DDHD1: variants seen among roughly 807,000 people sequenced by gnomAD.
DDHD1 encodes the protein phospholipase DDHD1.
In DDHD1, 49 loss-of-function variants were observed where a neutral mutation model predicts 96.4. That is an observed-to-expected ratio of 0.51 (90% CI 0.40 to 0.64). The LOEUF (loss-of-function observed/expected upper bound fraction) is 0.64, where lower values mean the gene tolerates loss of function less well. Ranked by LOEUF, DDHD1 falls within the 30% of genes least tolerant of loss-of-function variation. DDHD1 has a pLI of 0.00. For synonymous variants in DDHD1, 442 were observed against 446.5 expected (o/e 0.99, Z 0.13); for missense variants, 1,106 against 1,161.2 (o/e 0.95, Z 0.69).
intron 1 of DDHD1, among the ~76,000 whole-genome samples, chr14:53,143,712 T>C (rs1311129957): frequency 6.6e-6 from 1 of 152,248 alleles, no homozygotes; most frequent in Non-Finnish European, 1.5e-5. Flanking sequence ...TATGACTTAA[T>C]GCTTGCTTGG....
chr14:53,122,582 GT>G lies in DDHD1; in HGVS notation c.839-18727del, dbSNP rs56655949. Among the ~76,000 whole-genome samples the G allele has an allele frequency of 6.7e-3, 967 of 143,818 alleles. 10 individuals are homozygous for G. The highest frequency in any genetic ancestry group is 9.9e-3 in the Admixed American group (143 of 14,480). The allele number at this position is 143,818 out of a possible 152,430, so 94.4% of individuals were successfully genotyped here. A position where few individuals can be genotyped will look rare whatever the true frequency, so the allele number is the denominator to read the frequency against. On this transcript the variant is annotated intron_variant, in intron 1 of 12. Coordinates refer to ENST00000673822, the MANE Select transcript of DDHD1 (RefSeq NM_001160148.2). ...CTGTTACTTTGTTCCTCTGCTAATA[GT>G]TTTTTTTTTTTTTTGACACAGTCTC...
chr14:53,051,824 A>G lies in DDHD1; in HGVS notation c.2521+20T>C, dbSNP rs1882595750. On this transcript the variant is annotated intron_variant, in intron 12 of 12. Coordinates refer to ENST00000673822, the MANE Select transcript of DDHD1 (RefSeq NM_001160148.2). ...TCATTTTTATAGTATTCTGAATGCTATTCCTGACATATACCATACCGAGGG... is the reference window on the plus strand; with the variant it reads ...TCATTTTTATAGTATTCTGAATGCTGTTCCTGACATATACCATACCGAGGG... The G allele has an allele frequency of 6.4e-7, 1 of 1,552,264 alleles. No individual in the cohort carries two copies. The highest frequency in any genetic ancestry group is 1.4e-5 in the African/African-American group (1 of 73,004).
chr14:53,131,022 A>G (rs139654522), intron 1 of DDHD1, among the ~76,000 whole-genome samples: 1 of 152,214 alleles, frequency 6.6e-6, no homozygotes, highest in African/African-American at 2.4e-5. Flanking sequence ...CCTTGTCTCC[A>G]TAACTGTTGT....
At chr14:53,068,763 C>T (rs964084015) in intron 6 of DDHD1, among the ~76,000 whole-genome samples, 1 of 152,156 alleles carries the variant, frequency 6.6e-6, no homozygotes, top group African/African-American at 2.4e-5. Flanking sequence ...TGATTATTGT[C>T]GCTCTTTCTT....
At chr14:53,070,126 G>A (rs897200499) in intron 6 of DDHD1, among the ~76,000 whole-genome samples, 8 of 152,170 alleles carry the variant, frequency 5.3e-5, no homozygotes, top group African/African-American at 1.4e-4. Context: ...ATGCACATAT[G>A]TGTATTTGTA....
chr14:53,071,277 G>T (rs1246635909), intron 6 of DDHD1, among the ~76,000 whole-genome samples: 4 of 152,010 alleles, frequency 2.6e-5, no homozygotes, highest in Non-Finnish European at 5.9e-5. Flanking sequence ...AACAAAAATT[G>T]GGGCCATATA....
chr14:53,081,049 C>T (rs1453284940), intron 4 of DDHD1, among the ~76,000 whole-genome samples: 4 of 152,046 alleles, frequency 2.6e-5, no homozygotes, highest in Admixed American at 6.6e-5. Context: ...AAAGACATTG[C>T]ATTATAATTA....
At chr14:53,135,188 G>A (rs1029400522) in intron 1 of DDHD1, among the ~76,000 whole-genome samples, 1 of 151,994 alleles carries the variant, frequency 6.6e-6, no homozygotes, top group Non-Finnish European at 1.5e-5. Flanking sequence ...ACATCCAGAT[G>A]GCCTGAAGCA....
chr14:53,132,636 C>T (rs1221885812), intron 1 of DDHD1, among the ~76,000 whole-genome samples: 4 of 152,334 alleles, frequency 2.6e-5, no homozygotes, highest in Admixed American at 2.6e-4. Context: ...CCATATCCTG[C>T]ACCACCATGC....
At chr14:53,069,870 T>G (rs1884364067) in intron 6 of DDHD1, among the ~76,000 whole-genome samples, 2 of 152,176 alleles carry the variant, frequency 1.3e-5, no homozygotes, top group Non-Finnish European at 2.9e-5. Context: ...CAGTCACCAG[T>G]TCTCATGCTC....
At position 53,044,102 on chromosome 14, in the gene DDHD1, TATTA is replaced by T. The variant is rs770516805; in HGVS notation, c.*2662_*2665del. 6.6e-5 allele frequency: 10 copies of T among 152,192 alleles called. No homozygotes were observed. The highest frequency in any genetic ancestry group is 2.0e-4 in the Admixed American group (3 of 15,278). The allele number at this position is 152,192 out of a possible 1,614,324, so 9.4% of individuals were successfully genotyped here. On this transcript the variant is annotated 3_prime_UTR_variant, in exon 13 of 13. Transcript: ENST00000673822. ...AAGCCAGAATGACACACAGTCTGTA[TATTA>T]ATTAAGTATATACAAATACATCCAA...
chr14:53,145,923 T>C (rs1890947706), intron 1 of DDHD1, among the ~76,000 whole-genome samples: 1 of 152,176 alleles, frequency 6.6e-6, no homozygotes, highest in Non-Finnish European at 1.5e-5. Flanking sequence ...TAAACATTAA[T>C]GGGCAGGGTA....
intron 1 of DDHD1, among the ~76,000 whole-genome samples, chr14:53,129,594 G>C (rs1021680686): frequency 6.6e-6 from 1 of 152,088 alleles, no homozygotes; most frequent in Non-Finnish European, 1.5e-5. Context: ...CACGTTGGTG[G>C]CAAGTACCAC....
At chr14:53,091,682 G>C in intron 4 of DDHD1, 103 bp downstream of exon 4, 1 of 1,261,880 alleles carries the variant, frequency 7.9e-7, no homozygotes, top group East Asian at 2.3e-5. Flanking sequence ...GTTGGCACTG[G>C]AGGAACATGC....
At chr14:53,056,719 T>C (rs1883086541) in intron 9 of DDHD1, among the ~76,000 whole-genome samples, 1 of 152,170 alleles carries the variant, frequency 6.6e-6, no homozygotes, top group Non-Finnish European at 1.5e-5. Context: ...CAGATAACAT[T>C]TGTAAAAACT....
At chr14:53,085,970 C>T (rs1885912061) in intron 4 of DDHD1, among the ~76,000 whole-genome samples, 1 of 152,130 alleles carries the variant, frequency 6.6e-6, no homozygotes, top group Admixed American at 6.5e-5. Context: ...CCTGATGGAG[C>T]TGAAAACCAT....
intron 4 of DDHD1, among the ~76,000 whole-genome samples, chr14:53,074,342 A>T (rs909275129): frequency 5.3e-5 from 8 of 151,910 alleles, no homozygotes; most frequent in Non-Finnish European, 1.0e-4. Flanking sequence ...TAGTATTACA[A>T]TTACAATTAG....
intron 8 of DDHD1, among the ~76,000 whole-genome samples, chr14:53,059,036 G>A (rs1200502686): frequency 6.6e-6 from 1 of 152,152 alleles, no homozygotes; most frequent in Admixed American, 6.5e-5. Context: ...GTGCATAACA[G>A]AGGGAAATAA....
Position 53,153,011 on chromosome 14 carries a change from C to G in DDHD1, c.88G>C (p.Ala30Pro), listed in dbSNP as rs570480650. 4 of 1,530,072 alleles carry G rather than the reference C, an allele frequency of 2.6e-6. No individual in the cohort carries two copies. In the African/African-American group the frequency reaches 5.7e-5, roughly 22 times the overall value. 94.8% of individuals were successfully genotyped at this position (1,530,072 alleles called of 1,614,324 possible). A position where few individuals can be genotyped will look rare whatever the true frequency, so the allele number is the denominator to read the frequency against. The change falls in exon 1 of 13, where the codon GCG (alanine) becomes CCG (proline). Residue 30 changes from alanine (A) to proline (P), a missense_variant. Transcript: ENST00000673822. The part of the protein sequence containing the change: ...GGGAWELGSD[A>P]RPAFGGGVCC... ...ACGCCGCCGCCGAACGCTGGCCTCG[C>G]GTCTGAGCCCAGCTCCCAGGCGCCG... is the stretch of plus-strand genomic sequence containing the variant.
Sources: allele counts gnomAD v4.1 joint callset (sites outside exome capture counted in the v4.1 genomes callset), GRCh38; gene constraint gnomAD v4.1.1; transcripts MANE v1.5; gene names NCBI Gene and HGNC (gene_info 2026-07-23, HGNC 2026-07-21).